The following ARB2A variants were observed in gnomAD, a reference collection of about 807,000 sequenced individuals.
ARB2A encodes ARB2 cotranscriptional regulator A.
At chr5:94,013,214 T>C in the ARB2A span, among the ~76,000 whole-genome samples, 1 of 146,696 alleles carries the variant, frequency 6.8e-6, no homozygotes, top group Non-Finnish European at 1.5e-5. Flanking sequence ...AGTCTTGCTC[T>C]GTCACCCAGG....
the ARB2A span, among the ~76,000 whole-genome samples, chr5:93,711,958 A>G: frequency 2.6e-5 from 4 of 152,228 alleles, no homozygotes; most frequent in Admixed American, 2.6e-4. Flanking sequence ...TAGAAATTCA[A>G]CAGGGAGATT....
the ARB2A span, among the ~76,000 whole-genome samples, chr5:93,894,020 CACTT>C: frequency 6.6e-6 from 1 of 152,148 alleles, no homozygotes; most frequent in African/African-American, 2.4e-5. Context: ...TATAGACAAA[CACTT>C]AATAGTATAC....
chr5:93,752,117 T>G, the ARB2A span, among the ~76,000 whole-genome samples: 1 of 151,768 alleles, frequency 6.6e-6, no homozygotes. Context: ...TAAACAGACA[T>G]AGAGAGACCC....
chr5:93,941,318 G>A, the ARB2A span, among the ~76,000 whole-genome samples: 12 of 151,758 alleles, frequency 7.9e-5, no homozygotes, highest in Non-Finnish European at 1.8e-4. Context: ...CACAGAAAAG[G>A]GATCGACATT....
At chr5:94,024,562 C>A in the ARB2A span, among the ~76,000 whole-genome samples, 2 of 152,048 alleles carry the variant, frequency 1.3e-5, no homozygotes, top group Non-Finnish European at 2.9e-5. Context: ...CCTCCCCAGC[C>A]CGCCACCCCA....
At chr5:94,069,316 C>A in the ARB2A span, among the ~76,000 whole-genome samples, 2 of 152,072 alleles carry the variant, frequency 1.3e-5, no homozygotes, top group Non-Finnish European at 2.9e-5. Flanking sequence ...AAATGTAAGA[C>A]CTGAAATTAC....
chr5:93,775,083 T>C, the ARB2A span, among the ~76,000 whole-genome samples: 1 of 152,158 alleles, frequency 6.6e-6, no homozygotes, highest in Non-Finnish European at 1.5e-5. Context: ...AGCATATACA[T>C]CTTCTAGTGG....
the ARB2A span, among the ~76,000 whole-genome samples, chr5:93,692,475 A>G: frequency 6.6e-6 from 1 of 152,230 alleles, no homozygotes; most frequent in Non-Finnish European, 1.5e-5. Context: ...TAGTAAAGGG[A>G]TCAATGCAAA....
At chr5:93,915,715 A>C in the ARB2A span, among the ~76,000 whole-genome samples, 1 of 152,028 alleles carries the variant, frequency 6.6e-6, no homozygotes, top group Non-Finnish European at 1.5e-5. Flanking sequence ...TTATGATTTT[A>C]TTAACTCTCT....
the ARB2A span, among the ~76,000 whole-genome samples, chr5:93,628,057 T>A: frequency 2.2e-5 from 3 of 133,440 alleles, no homozygotes; most frequent in African/African-American, 5.9e-5. Context: ...GCATAATTTT[T>A]TTTTTTTTTT....
At chr5:93,823,288 C>T in the ARB2A span, among the ~76,000 whole-genome samples, 1 of 152,120 alleles carries the variant, frequency 6.6e-6, no homozygotes, top group Non-Finnish European at 1.5e-5. Flanking sequence ...GCATCTAAAA[C>T]AGACAGAATT....
the ARB2A span, among the ~76,000 whole-genome samples, chr5:94,001,520 CT>C: frequency 6.6e-6 from 1 of 151,806 alleles, no homozygotes; most frequent in Non-Finnish European, 1.5e-5. Context: ...AGAATTTGTT[CT>C]TTTTGCTTTT....
the ARB2A span, among the ~76,000 whole-genome samples, chr5:93,826,963 T>C: frequency 4.6e-4 from 70 of 152,058 alleles, no homozygotes; most frequent in Non-Finnish European, 2.9e-5. Flanking sequence ...CCATGGTGTA[T>C]ATGTGCCACG....
At chr5:93,949,908 T>G in the ARB2A span, among the ~76,000 whole-genome samples, 5 of 152,212 alleles carry the variant, frequency 3.3e-5, no homozygotes, top group Non-Finnish European at 7.3e-5. Context: ...AATTCTCAGT[T>G]TTATTTACTA....
chr5:93,646,277 G>A, the ARB2A span, among the ~76,000 whole-genome samples: 1 of 151,786 alleles, frequency 6.6e-6, no homozygotes, highest in Admixed American at 6.6e-5. Flanking sequence ...AGTCGCTCTT[G>A]TATTATTTAA....
the ARB2A span, among the ~76,000 whole-genome samples, chr5:93,796,362 A>T: frequency 6.6e-6 from 1 of 152,160 alleles, no homozygotes; most frequent in Non-Finnish European, 1.5e-5. Flanking sequence ...ATGGTATAGC[A>T]CTAATGTGAT....
At chr5:93,814,002 C>T in the ARB2A span, among the ~76,000 whole-genome samples, 1 of 152,146 alleles carries the variant, frequency 6.6e-6, no homozygotes, top group East Asian at 1.9e-4. Context: ...CCATTAACAG[C>T]GCTTCTAAGT....
chr5:93,709,435 C>A, the ARB2A span, among the ~76,000 whole-genome samples: 1 of 151,922 alleles, frequency 6.6e-6, no homozygotes, highest in East Asian at 1.9e-4. Context: ...GAGTTCGAGA[C>A]AAGCCTGGCC....
chr5:94,087,134 T>G, the ARB2A span, among the ~76,000 whole-genome samples: 2 of 152,264 alleles, frequency 1.3e-5, no homozygotes, highest in South Asian at 4.1e-4. Context: ...GGCAAAAATG[T>G]TTTAAAAATA....
Sources: allele counts gnomAD v4.1 joint callset (sites outside exome capture counted in the v4.1 genomes callset), GRCh38; gene constraint gnomAD v4.1.1; transcripts MANE v1.5; gene names NCBI Gene and HGNC (gene_info 2026-07-23, HGNC 2026-07-21).